SCARA5: variants seen among roughly 807,000 people sequenced by gnomAD.
SCARA5 encodes the protein scavenger receptor class A, member 5 (putative).
In SCARA5, 45 loss-of-function variants were observed where a neutral mutation model predicts 46.3. The ratio of observed to expected loss-of-function variants is 0.97; its 90% confidence interval spans 0.76 to 1.24. SCARA5 has a LOEUF of 1.24. Ranked by LOEUF, SCARA5 falls within the 50% of genes most tolerant of loss-of-function variation. The pLI is 0.00. For synonymous variants in SCARA5, 333 were observed against 306.5 expected (o/e 1.09, Z -0.90); for missense variants, 680 against 689.0 (o/e 0.99, Z 0.15).
rs2129760133 is a variant in SCARA5 at position 27,907,168 on chromosome 8, A to G, written c.1076T>C (p.Met359Thr). ...ATTACCTTTGAACCCACGCATGCCCATTGGTCCTGTGGCCCCCAGCTTCCC... is the reference window on the plus strand; with the variant it reads ...ATTACCTTTGAACCCACGCATGCCCGTTGGTCCTGTGGCCCCCAGCTTCCC... ...DDGKLGATGPMGMRGFKGDRG... is the reference protein window; with the variant it reads ...DDGKLGATGPTGMRGFKGDRG... Residue 359 changes from methionine to threonine, a missense_variant, in exon 6 of 9, where the codon ATG becomes ACG. Transcript: ENST00000354914. 1.2e-6 allele frequency: 2 copies of G among 1,613,672 alleles called. No individual in the cohort carries two copies. Among genetic ancestry groups the G allele is most frequent in the Middle Eastern group, 1.7e-4 (1 of 6,060 alleles).
chr8:27,963,735 A>G (rs977966056), intron 3 of SCARA5, among the ~76,000 whole-genome samples: 6 of 152,200 alleles, frequency 3.9e-5, no homozygotes, highest in Non-Finnish European at 5.9e-5. Context: ...TGTGGGGCTT[A>G]TAAGACTCAT....
intron 7 of SCARA5, among the ~76,000 whole-genome samples, chr8:27,887,545 T>A (rs1426017864): frequency 1.3e-5 from 2 of 152,138 alleles, no homozygotes. Context: ...GAGCTATTCC[T>A]TACTAAAAAC....
intron 3 of SCARA5, among the ~76,000 whole-genome samples, chr8:27,939,268 G>A (rs544715065): frequency 2.0e-5 from 3 of 152,178 alleles, no homozygotes; most frequent in Non-Finnish European, 4.4e-5. Flanking sequence ...ATGAATGGCT[G>A]GGCCCCGTGG....
At chr8:27,967,159 C>A (rs1270163785) in intron 2 of SCARA5, among the ~76,000 whole-genome samples, 2 of 152,244 alleles carry the variant, frequency 1.3e-5, no homozygotes, top group Non-Finnish European at 2.9e-5. Context: ...TAAGCCAGTT[C>A]TGACCAGCTT....
chr8:27,982,515 G>T (rs1490914613), intron 2 of SCARA5, among the ~76,000 whole-genome samples: 1 of 152,286 alleles, frequency 6.6e-6, no homozygotes, highest in Admixed American at 6.5e-5. Context: ...TCCTATTTGG[G>T]CTTGGCCCTT....
At chr8:27,895,996 C>T (rs1807058967) in intron 7 of SCARA5, among the ~76,000 whole-genome samples, 1 of 152,188 alleles carries the variant, frequency 6.6e-6, no homozygotes, top group African/African-American at 2.4e-5. Context: ...TGGGAGGATG[C>T]TGTTAAGGCC....
At chr8:27,990,827 A>G (rs1808777307) in intron 1 of SCARA5, among the ~76,000 whole-genome samples, 1 of 152,244 alleles carries the variant, frequency 6.6e-6, no homozygotes, top group South Asian at 2.1e-4. Context: ...AAGCCCAAGG[A>G]GACTGGACCT....
Position 27,922,015 on chromosome 8 carries a change from C to T in SCARA5, c.472G>A (p.Ala158Thr), listed in dbSNP as rs1279443648. ...RLEGALWGLQAQAVQTEQAVA... is the reference protein window; with the variant it reads ...RLEGALWGLQTQAVQTEQAVA... ...GCCTGCTCGGTCTGCACCGCCTGCG[C>T]CTGCAGCCCCCACAGCGCGCCCTCC... The change falls in exon 4 of 9, where the codon GCG (alanine) becomes ACG (threonine). Residue 158 changes from alanine to threonine, a missense_variant. Physicochemically the swap from Ala to Thr is moderately conservative, Grantham distance 58 (BLOSUM62 0). This residue lies in a region of SCARA5 where 438 missense variants were observed against 384.5 expected (regional missense o/e 1.14). Coordinates refer to ENST00000354914, the MANE Select transcript of SCARA5 (RefSeq NM_173833.6). 3 of 1,570,874 alleles carry T rather than the reference C, an allele frequency of 1.9e-6. No individual in the cohort carries two copies. The highest frequency in any genetic ancestry group is 4.6e-5 in the East Asian group (2 of 43,014).
At chr8:27,911,013 C>T (rs1807365336) in intron 4 of SCARA5, among the ~76,000 whole-genome samples, 1 of 152,198 alleles carries the variant, frequency 6.6e-6, no homozygotes, top group Non-Finnish European at 1.5e-5. Flanking sequence ...CACTCTGCAA[C>T]ACCCACAGGG....
chr8:27,899,219 A>C (rs35007796), intron 7 of SCARA5, among the ~76,000 whole-genome samples: 28,077 of 152,220 alleles, frequency 0.18, 2,752 homozygotes, highest in Middle Eastern at 0.3. Flanking sequence ...TGGGGTCTTC[A>C]CTAACTCCAG....
rs144977060 is a variant in SCARA5 at position 27,907,572 on chromosome 8, C to CTTTTTTTTTTTT, written c.998-338_998-327dup. On this transcript the variant is annotated intron_variant, in intron 5 of 8. Coordinates refer to ENST00000354914, the MANE Select transcript of SCARA5 (RefSeq NM_173833.6). ...GCTGGAGACTTAGAATCAGCAAACA[C>CTTTTTTTTTTTT]TTTTTTTTTTTTTTTTTTTTGAGAC... Among the ~76,000 whole-genome samples, 16 of 97,278 alleles carry CTTTTTTTTTTTT rather than the reference C, an allele frequency of 1.6e-4. 2 individuals are homozygous for CTTTTTTTTTTTT. The highest frequency in any genetic ancestry group is 1.6e-3 in the East Asian group (4 of 2,548). 63.8% of individuals were successfully genotyped at this position (97,278 alleles called of 152,430 possible).
At chr8:27,959,471 C>T (rs1211708582) in intron 3 of SCARA5, among the ~76,000 whole-genome samples, 1 of 152,142 alleles carries the variant, frequency 6.6e-6, no homozygotes, top group East Asian at 1.9e-4. Context: ...GGGAGGACAG[C>T]TGTGAACAAG....
chr8:27,912,999 C>T (rs780239159), intron 4 of SCARA5, among the ~76,000 whole-genome samples: 1 of 152,194 alleles, frequency 6.6e-6, no homozygotes, highest in Non-Finnish European at 1.5e-5. Flanking sequence ...GTGAGGGGGG[C>T]CATCCCGATC....
intron 8 of SCARA5, among the ~76,000 whole-genome samples, chr8:27,875,109 T>C (rs1806701006): frequency 6.6e-6 from 1 of 151,844 alleles, no homozygotes; most frequent in African/African-American, 2.4e-5. Flanking sequence ...GGCACTGGAA[T>C]TCCTTCCTTC....
At chr8:27,889,540 C>A (rs1806950400) in intron 7 of SCARA5, among the ~76,000 whole-genome samples, 1 of 145,616 alleles carries the variant, frequency 6.9e-6, no homozygotes, top group Non-Finnish European at 1.5e-5. Flanking sequence ...GGCCAGTTCT[C>A]CATCTACACC....
intron 3 of SCARA5, among the ~76,000 whole-genome samples, chr8:27,931,412 C>T (rs1282872503): frequency 2.0e-5 from 3 of 152,162 alleles, no homozygotes. Flanking sequence ...CCACCACCCC[C>T]TCGCCACCCC....
chr8:27,879,808 C>A lies in SCARA5; in HGVS notation c.1154-42G>T, dbSNP rs368507482. On this transcript the variant is annotated intron_variant, in intron 7 of 8. Transcript: ENST00000354914. Reference sequence around the variant, plus strand: ...CTGTCACTACCCAGCTCTAGATACACCAGGACCCGCCCCCAGGGGCCTTCT... The same window carrying A: ...CTGTCACTACCCAGCTCTAGATACAACAGGACCCGCCCCCAGGGGCCTTCT... 119 of 1,591,792 alleles carry A rather than the reference C, an allele frequency of 7.5e-5. No homozygotes were observed. The African/African-American group carries it at 1.5e-3, about 20-fold the overall frequency.
At chr8:27,962,812 C>A (rs942321923) in intron 3 of SCARA5, among the ~76,000 whole-genome samples, 13 of 152,228 alleles carry the variant, frequency 8.5e-5, no homozygotes, top group African/African-American at 3.1e-4. Flanking sequence ...TTTAAACCCT[C>A]CTGTGCAGGG....
At chr8:27,961,659 G>C (rs1013667587) in intron 3 of SCARA5, among the ~76,000 whole-genome samples, 2 of 152,130 alleles carry the variant, frequency 1.3e-5, no homozygotes, top group Non-Finnish European at 2.9e-5. Flanking sequence ...ACTCAGACAG[G>C]CTGGCTCCAA....
Sources: allele counts gnomAD v4.1 joint callset (sites outside exome capture counted in the v4.1 genomes callset), GRCh38; gene constraint gnomAD v4.1.1; regional missense constraint gnomAD v4.1.1; transcripts MANE v1.5; gene names NCBI Gene and HGNC (gene_info 2026-07-23, HGNC 2026-07-21).